Variants in HPSE2 observed in about 807,000 individuals in gnomAD.
HPSE2 encodes the protein heparanase 2 (inactive).
A neutral mutation model predicts 60.5 loss-of-function variants in HPSE2; 38 were observed. That is an observed-to-expected ratio of 0.63 (90% CI 0.48 to 0.82). HPSE2 has a LOEUF of 0.82. Ranked by LOEUF, HPSE2 falls within the 40% of genes least tolerant of loss-of-function variation. The pLI is 0.00. For missense variants in HPSE2, 713 were observed against 740.4 expected (o/e 0.96, Z 0.43); for synonymous variants, 295 against 293.2 (o/e 1.01, Z -0.06).
intron 3 of HPSE2, among the ~76,000 whole-genome samples, chr10:99,052,896 C>T (rs1312325996): frequency 1.3e-5 from 2 of 151,964 alleles, no homozygotes; most frequent in African/African-American, 4.8e-5. Flanking sequence ...AAAACACACA[C>T]TTCATGCCAA....
At chr10:98,807,698 C>A (rs1951073646) in intron 3 of HPSE2, among the ~76,000 whole-genome samples, 1 of 152,092 alleles carries the variant, frequency 6.6e-6, no homozygotes, top group South Asian at 2.1e-4. Flanking sequence ...TGTACCTTAT[C>A]AAGGTAGGAC....
At chr10:98,867,618 A>G (rs1952622409) in intron 3 of HPSE2, among the ~76,000 whole-genome samples, 1 of 152,210 alleles carries the variant, frequency 6.6e-6, no homozygotes, top group African/African-American at 2.4e-5. Context: ...AGGCTACCAT[A>G]TGATCTAGCA....
chr10:99,001,490 T>C (rs1391981941), intron 3 of HPSE2, among the ~76,000 whole-genome samples: 1 of 152,142 alleles, frequency 6.6e-6, no homozygotes, highest in Non-Finnish European at 1.5e-5. Context: ...CTCAAGCACA[T>C]AGCCATTTAA....
chr10:99,165,511 T>C (rs1368388083), intron 2 of HPSE2, among the ~76,000 whole-genome samples: 1 of 148,978 alleles, frequency 6.7e-6, no homozygotes, highest in Non-Finnish European at 1.5e-5. Flanking sequence ...TTTTGTTTTG[T>C]TCTGTTCATT....
intron 6 of HPSE2, among the ~76,000 whole-genome samples, chr10:98,683,503 T>C (rs978524483): frequency 6.6e-6 from 1 of 151,688 alleles, no homozygotes; most frequent in Admixed American, 6.6e-5. Context: ...ATAGAAGGCA[T>C]TGCATCCAAA....
intron 9 of HPSE2, among the ~76,000 whole-genome samples, chr10:98,558,839 TG>T (rs1462402430): frequency 6.6e-6 from 1 of 152,250 alleles, no homozygotes; most frequent in Non-Finnish European, 1.5e-5. Context: ...TACATATTTC[TG>T]GCTTCTGAAA....
chr10:99,290,894 G>A, the HPSE2 span, among the ~76,000 whole-genome samples: 1 of 152,118 alleles, frequency 6.6e-6, no homozygotes, highest in Non-Finnish European at 1.5e-5. Context: ...AGATTTCTGA[G>A]GATATTTGGA....
intron 3 of HPSE2, among the ~76,000 whole-genome samples, chr10:98,880,449 T>C (rs1308252027): frequency 2.0e-5 from 3 of 152,012 alleles, no homozygotes; most frequent in Non-Finnish European, 4.4e-5. Flanking sequence ...TAGGGTTAGG[T>C]CTTGCTCCAG....
intron 9 of HPSE2, among the ~76,000 whole-genome samples, chr10:98,590,949 T>A (rs939300753): frequency 2.0e-5 from 3 of 152,224 alleles, no homozygotes; most frequent in Non-Finnish European, 4.4e-5. Flanking sequence ...AGTGTTGTTG[T>A]GAGCATTAAA....
At chr10:99,308,695 T>C in the HPSE2 span, among the ~76,000 whole-genome samples, 1 of 152,144 alleles carries the variant, frequency 6.6e-6, no homozygotes, top group African/African-American at 2.4e-5. Context: ...ATCATTCTAT[T>C]CATAGAATTC....
chr10:99,021,401 C>T (rs936419092), intron 3 of HPSE2, among the ~76,000 whole-genome samples: 1 of 152,216 alleles, frequency 6.6e-6, no homozygotes, highest in African/African-American at 2.4e-5. Context: ...CAAGGTTACT[C>T]ATCTTATAAA....
At chr10:98,846,913 C>T (rs570352780) in intron 3 of HPSE2, among the ~76,000 whole-genome samples, 1 of 152,200 alleles carries the variant, frequency 6.6e-6, no homozygotes, top group East Asian at 1.9e-4. Context: ...ACTTAAAGTC[C>T]AGGAGACAAA....
At chr10:99,237,621 T>C (rs78168226), upstream of HPSE2, among the ~76,000 whole-genome samples, 4 of 152,220 alleles carry the variant, frequency 2.6e-5, no homozygotes, top group African/African-American at 9.7e-5. Context: ...TTAAAGATGA[T>C]TTTTTTAAAT....
chr10:98,567,748 GGTGTGTGTGTGTGT>G (rs57706769), intron 9 of HPSE2, among the ~76,000 whole-genome samples: 19 of 151,202 alleles, frequency 1.3e-4, no homozygotes, highest in Non-Finnish European at 1.8e-4. Context: ...ACAAATGGAT[GGTGTGTGTGTGTGT>G]GTGTGTGTGT....
chr10:99,263,531 G>A, the HPSE2 span, among the ~76,000 whole-genome samples: 9 of 152,162 alleles, frequency 5.9e-5, no homozygotes, highest in Non-Finnish European at 1.3e-4. Flanking sequence ...GTCATTCACT[G>A]CAAGGGCCAT....
intron 3 of HPSE2, among the ~76,000 whole-genome samples, chr10:98,978,225 C>T (rs956873829): frequency 2.0e-5 from 3 of 151,914 alleles, no homozygotes; most frequent in Non-Finnish European, 4.4e-5. Flanking sequence ...TTTGAGTGGG[C>T]ATAGGAGATA....
chr10:98,983,959 T>C (rs1956272368), intron 3 of HPSE2, among the ~76,000 whole-genome samples: 1 of 152,194 alleles, frequency 6.6e-6, no homozygotes, highest in African/African-American at 2.4e-5. Context: ...GCGACCCTCA[T>C]TGCCCAGGCT....
chr10:98,984,268 C>T (rs1333438472), intron 3 of HPSE2, among the ~76,000 whole-genome samples: 4 of 152,174 alleles, frequency 2.6e-5, no homozygotes, highest in East Asian at 1.9e-4. Context: ...ACACCTCACA[C>T]GGCCAGGTAC....
At chr10:99,007,714 AGGTCATGAT>A (rs1198371821) in intron 3 of HPSE2, among the ~76,000 whole-genome samples, 1 of 152,212 alleles carries the variant, frequency 6.6e-6, no homozygotes. Context: ...TATTTACTGA[AGGTCATGAT>A]GGTCTCCTAC....
Sources: allele counts gnomAD v4.1 joint callset (sites outside exome capture counted in the v4.1 genomes callset), GRCh38; gene constraint gnomAD v4.1.1; transcripts MANE v1.5; gene names NCBI Gene and HGNC (gene_info 2026-07-23, HGNC 2026-07-21).